SVIL: variants seen among roughly 807,000 people sequenced by gnomAD.
SVIL encodes archvillin.
A neutral mutation model predicts 240.4 loss-of-function variants in SVIL; 101 were observed. The observed-to-expected ratio is 0.42, with a 90% CI of 0.36 to 0.50. The LOEUF (loss-of-function observed/expected upper bound fraction) is 0.50, where lower values mean the gene tolerates loss of function less well. SVIL is among the 20% of genes least tolerant of loss of function. The pLI, the probability that SVIL is intolerant of heterozygous loss-of-function variation, is 0.01. For synonymous variants in SVIL, 999 were observed against 1,100.0 expected, an observed-to-expected ratio of 0.91 and a Z score of 1.82; for missense variants, 2,512 against 2,818.7, an observed-to-expected ratio of 0.89 and a Z score of 2.46.
chr10:29,604,238 C>T (rs1392109334), intron 1 of SVIL, among the ~76,000 whole-genome samples: 2 of 146,812 alleles, frequency 1.4e-5, no homozygotes, highest in African/African-American at 5.1e-5. Context: ...TTTGCTCTGT[C>T]ACCCAGGCTG....
chr10:29,601,031 C>T (rs1226651064), intron 1 of SVIL, among the ~76,000 whole-genome samples: 1 of 152,166 alleles, frequency 6.6e-6, no homozygotes, highest in Non-Finnish European at 1.5e-5. Context: ...CCATTTCTCC[C>T]TGTCATTAAT....
At chr10:29,697,245 G>A (rs1484381025) in intron 1 of SVIL, among the ~76,000 whole-genome samples, 1 of 67,706 alleles carries the variant, frequency 1.5e-5, no homozygotes, top group Admixed American at 1.7e-4. Context: ...GCTGAGGGGC[G>A]CCTCTGCCCG....
rs757878480 is a variant in SVIL at position 29,470,312 on chromosome 10, T to G, written c.5807A>C (p.Glu1936Ala). The change falls in exon 32 of 38, where the codon GAG (glutamate) becomes GCG (alanine). Residue 1936 changes from glutamate to alanine, a missense_variant. Physicochemically the swap from Glu to Ala is moderately radical, Grantham distance 107. Around this residue, in one of 3 missense-constraint regions of SVIL, gnomAD observed 797 missense variants for 925.3 expected, o/e 0.86. Transcript: ENST00000355867. ...CTTGTTCGCAGCGGTCCTTCCGACC[T>G]CCTTCGTGTGGGCCTGGGCTTTGCA... ...HGCKAQAHTK[E>A]VGRTAANKIK... 1 of 1,614,188 alleles carries G rather than the reference T, an allele frequency of 6.2e-7. No individual in the cohort carries two copies. Among genetic ancestry groups the G allele is most frequent in the Non-Finnish European group, 8.5e-7 (1 of 1,180,024 alleles).
At chr10:29,592,554 G>A (rs1956431046) in intron 1 of SVIL, among the ~76,000 whole-genome samples, 1 of 152,166 alleles carries the variant, frequency 6.6e-6, no homozygotes, top group Non-Finnish European at 1.5e-5. Context: ...CCTCCGTAAT[G>A]GAGGTTTCAA....
At chr10:29,713,566 A>G (rs1963434323) in intron 1 of SVIL, among the ~76,000 whole-genome samples, 1 of 152,080 alleles carries the variant, frequency 6.6e-6, no homozygotes, top group African/African-American at 2.4e-5. Context: ...GATGGTAAAT[A>G]TATTTTTGGC....
chr10:29,607,208 T>G (rs1201344703), intron 1 of SVIL, among the ~76,000 whole-genome samples: 1 of 152,246 alleles, frequency 6.6e-6, no homozygotes, highest in African/African-American at 2.4e-5. Flanking sequence ...GTTTCAAAAT[T>G]TATGTATTCT....
intron 2 of SVIL, among the ~76,000 whole-genome samples, chr10:29,681,742 G>A (rs1263808189): frequency 6.6e-6 from 1 of 152,130 alleles, no homozygotes; most frequent in Non-Finnish European, 1.5e-5. Flanking sequence ...GAGCTGGGCT[G>A]GATGCTCCCA....
chr10:29,685,413 A>C (rs1960991540), intron 2 of SVIL, among the ~76,000 whole-genome samples: 1 of 152,228 alleles, frequency 6.6e-6, no homozygotes, highest in Non-Finnish European at 1.5e-5. Context: ...TGGCAGAACA[A>C]TGTATACACG....
chr10:29,630,458 ATC>A (rs976001883), intron 1 of SVIL, among the ~76,000 whole-genome samples: 4 of 152,238 alleles, frequency 2.6e-5, no homozygotes, highest in Non-Finnish European at 5.9e-5. Context: ...AGGGACAGAG[ATC>A]TCTCTGAACC....
rs375272655 is a variant in SVIL, at chr10:29,527,519, C to T, written c.2247-463G>A. Among the ~76,000 whole-genome samples, 261 of 151,520 alleles carry T rather than the reference C, an allele frequency of 1.7e-3. 3 individuals are homozygous for T. Among genetic ancestry groups the T allele is most frequent in the African/African-American group, 5.5e-3 (229 of 41,276 alleles). ...TTGGCTCACTGCAAACTCCGCCTCC[C>T]GGGGTCAAGTGATTCTCCTGCCTCA... On this transcript the variant is annotated intron_variant, in intron 12 of 37. Coordinates refer to ENST00000355867, the MANE Select transcript of SVIL (RefSeq NM_021738.3).
At chr10:29,531,107 T>A in intron 10 of SVIL, 147 bp downstream of exon 10, 1 of 729,272 alleles carries the variant, frequency 1.4e-6, no homozygotes, top group Non-Finnish European at 2.2e-6. Flanking sequence ...AACTAGATTT[T>A]ATCATATCCA....
At chr10:29,722,235 AAAAAGAAAGAAAG>A (rs1365536619) in intron 1 of SVIL, among the ~76,000 whole-genome samples, 12 of 151,610 alleles carry the variant, frequency 7.9e-5, no homozygotes, top group African/African-American at 2.4e-4. Flanking sequence ...AAAAAAAAAA[AAAAAGAAAGAAAG>A]AAAAGAAAGA....
intron 17 of SVIL, chr10:29,507,597 C>CCACACA (rs60592993): frequency 0.012 from 2,037 of 166,668 alleles, 19 homozygotes; most frequent in African/African-American, 0.032. Context: ...AATTGTACTG[C>CCACACA]CACACACACA....
At chr10:29,576,971 C>T (rs1312450356) in intron 1 of SVIL, among the ~76,000 whole-genome samples, 1 of 152,162 alleles carries the variant, frequency 6.6e-6, no homozygotes, top group Non-Finnish European at 1.5e-5. Context: ...ACCTCTGCCT[C>T]CTGGATTCAA....
At chr10:29,533,605 C>T in intron 7 of SVIL, 147 bp from the exon 8 acceptor site, 1 of 1,374,148 alleles carries the variant, frequency 7.3e-7, no homozygotes, top group Non-Finnish European at 9.6e-7. Flanking sequence ...CTAATGTCAA[C>T]TACTTGTCAG....
At chr10:29,546,164 A>G (rs1034823479) in intron 6 of SVIL, among the ~76,000 whole-genome samples, 14 of 152,240 alleles carry the variant, frequency 9.2e-5, no homozygotes, top group African/African-American at 3.4e-4. Flanking sequence ...TGAATAATCC[A>G]TAGGACCTAA....
At chr10:29,559,507 T>C (rs1324707970) in intron 3 of SVIL, among the ~76,000 whole-genome samples, 1 of 152,232 alleles carries the variant, frequency 6.6e-6, no homozygotes, top group Non-Finnish European at 1.5e-5. Flanking sequence ...TTCAATTGAT[T>C]ATATGCTGTG....
intron 5 of SVIL, 112 bp downstream of exon 5, chr10:29,554,671 C>T (rs1329476725): frequency 3.0e-6 from 4 of 1,314,528 alleles, no homozygotes; most frequent in Non-Finnish European, 3.9e-6. Flanking sequence ...ATTATATCCA[C>T]ACAATTCACT....
At chr10:29,640,263 G>A (rs1384737723) in intron 3 of SVIL, among the ~76,000 whole-genome samples, 5 of 152,152 alleles carry the variant, frequency 3.3e-5, no homozygotes. Flanking sequence ...GATGTGGCCT[G>A]TATGGTATCT....
Sources: allele counts gnomAD v4.1 joint callset (sites outside exome capture counted in the v4.1 genomes callset), GRCh38; gene constraint gnomAD v4.1.1; regional missense constraint gnomAD v4.1.1; transcripts MANE v1.5; gene names NCBI Gene and HGNC (gene_info 2026-07-23, HGNC 2026-07-21).